The following TACC3 variants were observed in gnomAD, a reference collection of about 807,000 sequenced individuals.
TACC3 encodes transforming acidic coiled-coil containing protein 3, also known as transforming acidic coiled-coil-containing protein 3.
TACC3 carries 52 observed loss-of-function variants against 86.0 expected under a neutral mutation model. The ratio of observed to expected loss-of-function variants is 0.60; its 90% CI spans 0.48 to 0.76. The LOEUF (loss-of-function observed/expected upper bound fraction) is 0.76, where lower values mean the gene tolerates loss of function less well. Ranked by LOEUF, TACC3 falls within the 30% of genes least tolerant of loss-of-function variation. TACC3 has a pLI of 0.00. For synonymous variants in TACC3, 512 were observed against 430.0 expected (o/e 1.19, Z -2.36); for missense variants, 1,120 against 1,070.4 (o/e 1.05, Z -0.65).
At chr4:1,743,078 A>C (rs1718671432) in intron 13 of TACC3, among the ~76,000 whole-genome samples, 1 of 151,674 alleles carries the variant, frequency 6.6e-6, no homozygotes. Flanking sequence ...TCTGGCCAAC[A>C]TGGTGAAACC....
intron 1 of TACC3, among the ~76,000 whole-genome samples, chr4:1,722,712 A>G (rs768425272): frequency 5.3e-5 from 8 of 151,966 alleles, no homozygotes; most frequent in Admixed American, 2.0e-4. Context: ...GTCATTCCCT[A>G]GACTGGGAAC....
At chr4:1,743,754 C>T (rs1050331516) in intron 13 of TACC3, among the ~76,000 whole-genome samples, 1 of 152,166 alleles carries the variant, frequency 6.6e-6, no homozygotes, top group Non-Finnish European at 1.5e-5. Context: ...CACGTGAGAG[C>T]TTCCGGATGC....
chr4:1,743,568 A>C (rs1258969910), intron 13 of TACC3, among the ~76,000 whole-genome samples: 1 of 136,488 alleles, frequency 7.3e-6, no homozygotes, highest in Non-Finnish European at 1.6e-5. Context: ...AAAAAACAGA[A>C]ACTAGAAAAG....
Position 1,723,814 on chromosome 4 carries a change from T to C in TACC3, c.249T>C (p.Thr83=). The C allele has an allele frequency of 6.2e-7, 1 of 1,613,690 alleles. No individual in the cohort carries two copies. The highest frequency in any genetic ancestry group is 1.1e-5 in the South Asian group (1 of 91,088). Residue 83 remains threonine, a synonymous_variant, in exon 3 of 16, where the codon ACT becomes ACC. Coordinates refer to ENST00000313288, the MANE Select transcript of TACC3 (RefSeq NM_006342.3). ...CCAGCAAACTTGAGGCTCCTTTCACTCAGGATGACACCCTTGGACTGGAAA... is the reference window on the plus strand; with the variant it reads ...CCAGCAAACTTGAGGCTCCTTTCACCCAGGATGACACCCTTGGACTGGAAA... ...SMASKLEAPF[T]QDDTLGLENS... is the part of the protein sequence containing the mutation.
chr4:1,736,436 A>AAAAC (rs1718267884), intron 8 of TACC3, among the ~76,000 whole-genome samples: 1 of 151,442 alleles, frequency 6.6e-6, no homozygotes, highest in Non-Finnish European at 1.5e-5. Flanking sequence ...AAAAAAAAAA[A>AAAAC]AAAAAAAAAC....
intron 1 of TACC3, among the ~76,000 whole-genome samples, chr4:1,722,939 G>A (rs1200275112): frequency 1.3e-5 from 2 of 152,108 alleles, no homozygotes; most frequent in African/African-American, 4.8e-5. Flanking sequence ...CGGTGGGAGA[G>A]AGCAGACCAG....
rs981661826 is a variant in TACC3 at position 1,735,218 on chromosome 4, C to T, written c.1592-55C>T. On this transcript the variant is annotated intron_variant, in intron 6 of 15. Transcript: ENST00000313288. The surrounding 1 kb of genome is among the most constrained non-coding windows in gnomAD (Gnocchi z 4.2). ...AGTGCTGAGGGAGACACCAGCCCGC[C>T]GCCCTTAGGGCCCTGGTGAGGGGCG... 1.7e-4 allele frequency: 277 copies of T among 1,610,304 alleles called. No homozygotes were observed. Among genetic ancestry groups the T allele is most frequent in the Non-Finnish European group, 2.3e-4 (267 of 1,177,630 alleles).
intron 13 of TACC3, among the ~76,000 whole-genome samples, chr4:1,743,892 G>A (rs972025591): frequency 1.4e-4 from 21 of 152,222 alleles, no homozygotes; most frequent in Non-Finnish European, 7.4e-5. Context: ...GGGAGAGGCT[G>A]CAGTGCTGAG....
At chr4:1,724,449 G>C (rs1717587440) in intron 3 of TACC3, among the ~76,000 whole-genome samples, 1 of 135,812 alleles carries the variant, frequency 7.4e-6, no homozygotes. Flanking sequence ...GGAGTGCAGT[G>C]GCTCGATTTC....
chr4:1,734,191 G>T (rs1007978426), intron 6 of TACC3, among the ~76,000 whole-genome samples: 1 of 152,048 alleles, frequency 6.6e-6, no homozygotes, highest in African/African-American at 2.4e-5. Flanking sequence ...TACCAGTTTG[G>T]TTTGTTTTTT....
intron 13 of TACC3, among the ~76,000 whole-genome samples, chr4:1,743,864 A>C (rs1406031087): frequency 6.6e-6 from 1 of 152,228 alleles, no homozygotes; most frequent in Non-Finnish European, 1.5e-5. Flanking sequence ...CAGGGGCTGC[A>C]TGCTGGGTAG....
Position 1,728,088 on chromosome 4 carries a change from C to T in TACC3, c.686C>T (p.Pro229Leu), listed in dbSNP as rs770804478. The T allele has an allele frequency of 3.6e-5, 58 of 1,601,386 alleles. 1 individual carries two copies. Among genetic ancestry groups the T allele is most frequent in the Middle Eastern group, 1.7e-4 (1 of 5,986 alleles). The part of the protein sequence containing the change: ...GAEEECKAET[P>L]HGAEEECRHG... ...GAGGAAGAATGCAAAGCGGAGACTCCGCACGGAGCCGAGGAGGAATGCCGG... is the reference window on the plus strand; with the variant it reads ...GAGGAAGAATGCAAAGCGGAGACTCTGCACGGAGCCGAGGAGGAATGCCGG... Residue 229 changes from proline to leucine, a missense_variant, in exon 4 of 16, where the codon CCG becomes CTG. Physicochemically the swap from Pro to Leu is moderately conservative, Grantham distance 98. Coordinates refer to ENST00000313288, the MANE Select transcript of TACC3 (RefSeq NM_006342.3).
Position 1,735,420 on chromosome 4 carries a change from T to TC in TACC3, c.1644+101dup. The TC allele has an allele frequency of 2.1e-6, 3 of 1,402,844 alleles. No individual in the cohort carries two copies. The highest frequency in any genetic ancestry group is 2.0e-6 in the Non-Finnish European group (2 of 995,114). 86.9% of individuals were successfully genotyped at this position (1,402,844 alleles called of 1,614,324 possible). ...CCCGGAGCGTCCCTTGGTGCCCACG[T>TC]CCCCCCAGCTGCACACAGGCCCAGG... On this transcript the variant is annotated intron_variant, in intron 7 of 15. Transcript: ENST00000313288. The surrounding 1 kb of genome is among the most constrained non-coding windows in gnomAD (Gnocchi z 4.2).
intron 1 of TACC3, chr4:1,723,175 C>T (rs1465475356): frequency 3.7e-6 from 2 of 536,534 alleles, no homozygotes; most frequent in East Asian, 6.3e-5. Flanking sequence ...AGCTCTTGGT[C>T]CCAGGAAGCA....
intron 10 of TACC3, chr4:1,738,381 A>G (rs1014427906): frequency 5.9e-6 from 1 of 169,946 alleles, no homozygotes; most frequent in Non-Finnish European, 1.3e-5. Flanking sequence ...GAGGCCTGTG[A>G]TGTGGCCCTG....
chr4:1,744,537 A>G lies in TACC3; in HGVS notation c.2243A>G (p.Lys748Arg). 6.2e-7 allele frequency: 1 copy of G among 1,613,110 alleles called. No individual in the cohort carries two copies. Among genetic ancestry groups the G allele is most frequent in the Non-Finnish European group, 8.5e-7 (1 of 1,179,916 alleles). Residue 748 changes from lysine (K) to arginine (R), a missense_variant, in exon 14 of 16, where the codon AAG becomes AGG. By Grantham distance (26) the Lys-to-Arg change is conservative. Coordinates refer to ENST00000313288, the MANE Select transcript of TACC3 (RefSeq NM_006342.3). Reference protein sequence around the residue: ...GYRKNEESLKKCVEDYLARIT... With the variant: ...GYRKNEESLKRCVEDYLARIT... ...TCCTAGAACGAAGAGTCACTGAAGA[A>G]GTGCGTGGAGGATTACCTGGCAAGG... is the stretch of plus-strand genomic sequence containing the variant.
intron 11 of TACC3, 39 bp downstream of exon 11, chr4:1,739,817 C>T: frequency 2.9e-6 from 2 of 685,956 alleles, no homozygotes; most frequent in Non-Finnish European, 4.1e-6. Context: ...CGTCCCCATC[C>T]CCCTCGCCAT....
Position 1,723,868 on chromosome 4 carries a change from G to A in TACC3, c.303G>A (p.Glu101=), listed in dbSNP as rs763174794. 1 of 1,613,162 alleles carries A rather than the reference G, an allele frequency of 6.2e-7. No individual in the cohort carries two copies. Residue 101 remains glutamate, a splice_region_variant and synonymous_variant, in exon 3 of 16, where the codon GAG becomes GAA. Coordinates refer to ENST00000313288, the MANE Select transcript of TACC3 (RefSeq NM_006342.3). Reference sequence around the variant, plus strand: ...CACACCCGGTCTGGACACAGAAAGAGAAGTAAGTGTTGGTGCTGCTGGACA... The same window carrying A: ...CACACCCGGTCTGGACACAGAAAGAAAAGTAAGTGTTGGTGCTGCTGGACA... The part of the protein sequence containing the change: ...ENSHPVWTQK[E]NQQLIKEVDA...
chr4:1,720,790 G>A, upstream of TACC3: 2 of 1,595,578 alleles, frequency 1.3e-6, no homozygotes, highest in Non-Finnish European at 1.7e-6. The surrounding 1 kb of genome is among the most constrained non-coding windows in gnomAD (Gnocchi z 4.4). Context: ...CGAAGCACAC[G>A]GCGAACACCA....
Sources: gnomAD v4.1 joint callset for allele counts (sites outside exome capture counted in the v4.1 genomes callset) on GRCh38, gnomAD v4.1.1 for gene constraint, Gnocchi (gnomAD v3.1) non-coding constraint, MANE v1.5 for transcripts, NCBI Gene and HGNC (gene_info 2026-07-23, HGNC 2026-07-21) for gene names.